The following ZBTB37 variants were observed in gnomAD, a reference collection of about 807,000 sequenced individuals.
ZBTB37 encodes zinc finger and BTB domain containing 37, also known as zinc finger and BTB domain-containing protein 37.
In ZBTB37, 15 loss-of-function variants were observed where a neutral mutation model predicts 37.7. The ratio of observed to expected loss-of-function variants is 0.40; its 90% CI spans 0.27 to 0.61. ZBTB37 has a LOEUF of 0.61. Ranked by LOEUF, ZBTB37 falls within the 20% of genes least tolerant of loss-of-function variation. ZBTB37 has a pLI of 0.44. For synonymous variants in ZBTB37, 231 were observed against 220.6 expected, an observed-to-expected ratio of 1.05 and a Z score of -0.42; for missense variants, 514 against 641.9, an observed-to-expected ratio of 0.80 and a Z score of 2.15.
chr1:173,879,647 C>G (rs150215158), intron 4 of ZBTB37, among the ~76,000 whole-genome samples: 1 of 152,126 alleles, frequency 6.6e-6, no homozygotes, highest in South Asian at 2.1e-4. Context: ...CAAAAGAACA[C>G]GGAGAAGTAG....
downstream of ZBTB37, chr1:173,890,388 T>C (rs796386645): frequency 6.6e-6 from 1 of 152,088 alleles, no homozygotes; most frequent in South Asian, 2.1e-4. Flanking sequence ...TCAGGAAGAG[T>C]TGGAATCCTG....
At chr1:173,885,970 C>T in exon 5 of ZBTB37, 2 of 1,551,772 alleles carry the variant, frequency 1.3e-6, no homozygotes, top group Non-Finnish European at 1.7e-6. Context: ...AAAAACCACC[C>T]TGGCTGTATA....
intron 4 of ZBTB37, among the ~76,000 whole-genome samples, chr1:173,882,237 C>CTTTTTT (rs1160364347): frequency 1.0e-4 from 9 of 87,972 alleles, no homozygotes; most frequent in Non-Finnish European, 1.7e-4. Flanking sequence ...ATGGTAGTTT[C>CTTTTTT]TTTTTTTTTT....
At chr1:173,887,140 G>A (rs1191004527), downstream of ZBTB37, 1 of 152,146 alleles carries the variant, frequency 6.6e-6, no homozygotes, top group African/African-American at 2.4e-5. Flanking sequence ...CTCCATATTT[G>A]ATAACTTTTA....
At chr1:173,882,612 G>C (rs1656398917) in intron 4 of ZBTB37, among the ~76,000 whole-genome samples, 1 of 152,124 alleles carries the variant, frequency 6.6e-6, no homozygotes, top group South Asian at 2.1e-4. Flanking sequence ...TTTGGCTTTT[G>C]TTGCCATTGC....
intron 4 of ZBTB37, among the ~76,000 whole-genome samples, chr1:173,880,927 T>C (rs1401426230): frequency 1.3e-5 from 2 of 152,180 alleles, no homozygotes; most frequent in African/African-American, 4.8e-5. Flanking sequence ...TTACCTTCCT[T>C]AGAGTTGGGG....
intron 4 of ZBTB37, among the ~76,000 whole-genome samples, chr1:173,876,813 G>T (rs929338507): frequency 2.0e-5 from 3 of 152,172 alleles, no homozygotes; most frequent in African/African-American, 4.8e-5. Flanking sequence ...AGAGGAGGCT[G>T]TTGAGCAGAT....
chr1:173,903,522 T>G (rs1657351339), exon 4 of ZBTB37: 1 of 258,100 alleles, frequency 3.9e-6, no homozygotes, highest in South Asian at 4.4e-5. Context: ...TGTGAGTGGT[T>G]TGAGAATTAA....
At chr1:173,869,157 A>G (rs937376878) in intron 2 of ZBTB37, 37 bp downstream of exon 2, 1 of 152,532 alleles carries the variant, frequency 6.6e-6, no homozygotes, top group East Asian at 1.9e-4. Context: ...AAAACAGTGT[A>G]TACACTTCCC....
chr1:173,897,325 C>A (rs962140882), exon 4 of ZBTB37: 14 of 152,146 alleles, frequency 9.2e-5, no homozygotes, highest in African/African-American at 3.4e-4. Flanking sequence ...AAAATTATTT[C>A]TTGCACTTTC....
intron 3 of ZBTB37, 70 bp downstream of exon 3, chr1:173,871,218 A>C: frequency 7.3e-7 from 1 of 1,378,982 alleles, no homozygotes; most frequent in East Asian, 2.5e-5. Context: ...TGTCCTCTGT[A>C]GTACAGAGAG....
At chr1:173,877,941 T>G (rs2102734634) in intron 4 of ZBTB37, among the ~76,000 whole-genome samples, 1 of 152,340 alleles carries the variant, frequency 6.6e-6, no homozygotes, top group African/African-American at 2.4e-5. Flanking sequence ...TTCTGTAGCT[T>G]TTTCTATGAC....
intron 4 of ZBTB37, among the ~76,000 whole-genome samples, chr1:173,884,444 C>CG (rs368533176): frequency 0.073 from 11,049 of 152,096 alleles, 1,299 homozygotes; most frequent in African/African-American, 0.25. Context: ...AGGCATAAGC[C>CG]ACCACATCTG....
chr1:173,870,645 A>G (rs1655483715), exon 3 of ZBTB37: 2 of 1,614,180 alleles, frequency 1.2e-6, no homozygotes, highest in Non-Finnish European at 1.7e-6. Flanking sequence ...AATTAAGTCA[A>G]ACAAGGACAA....
At chr1:173,888,954 CCTTTT>C (rs1433440423), downstream of ZBTB37, 3 of 152,102 alleles carry the variant, frequency 2.0e-5, no homozygotes, top group African/African-American at 4.8e-5. Context: ...GTTTCCCCTC[CCTTTT>C]CTTTTCATTC....
chr1:173,875,718 G>A (rs968052684), intron 4 of ZBTB37, among the ~76,000 whole-genome samples: 5 of 151,798 alleles, frequency 3.3e-5, no homozygotes, highest in Non-Finnish European at 7.4e-5. Context: ...GCACTGGTGC[G>A]ATCTCAACTC....
exon 3 of ZBTB37, chr1:173,870,832 TCTG>T (rs1180223141): frequency 1.2e-6 from 2 of 1,614,130 alleles, no homozygotes; most frequent in Non-Finnish European, 1.7e-6. Context: ...TGAACCAAGT[TCTG>T]ATGTAGAGAG....
chr1:173,880,801 C>T (rs557249193), intron 4 of ZBTB37, among the ~76,000 whole-genome samples: 2 of 152,218 alleles, frequency 1.3e-5, no homozygotes, highest in East Asian at 3.8e-4. Context: ...ATTGCAACTT[C>T]ACTGCAGTAA....
downstream of ZBTB37, chr1:173,890,770 A>G (rs1225903806): frequency 6.6e-6 from 1 of 152,212 alleles, no homozygotes; most frequent in Admixed American, 6.5e-5. Flanking sequence ...GAATAGGGCC[A>G]CACTTACTTG....
Sources: gnomAD v4.1 joint callset for allele counts (sites outside exome capture counted in the v4.1 genomes callset) on GRCh38, gnomAD v4.1.1 for gene constraint, MANE v1.5 for transcripts, NCBI Gene and HGNC (gene_info 2026-07-23, HGNC 2026-07-21) for gene names.